The following FTO variants were observed in gnomAD, a reference collection of about 807,000 sequenced individuals.
The protein encoded by FTO is FTO alpha-ketoglutarate dependent dioxygenase.
In FTO, 47 loss-of-function variants were observed where a neutral mutation model predicts 63.9. That is an observed-to-expected ratio of 0.74 (90% CI 0.58 to 0.94). FTO has a LOEUF of 0.94. Among genes scored for constraint, FTO ranks in the 40% least tolerant of loss-of-function variants. The pLI is 0.00. For synonymous variants in FTO, 207 were observed against 224.4 expected (o/e 0.92, Z 0.69); for missense variants, 562 against 618.1 (o/e 0.91, Z 0.96).
intron 8 of FTO, among the ~76,000 whole-genome samples, chr16:54,033,105 A>G (rs918675455): frequency 1.3e-5 from 2 of 152,200 alleles, no homozygotes; most frequent in South Asian, 2.1e-4. Context: ...GTATTCCTTT[A>G]TAGCAATGCA....
At chr16:53,744,398 T>G (rs138707353) in intron 1 of FTO, among the ~76,000 whole-genome samples, 4 of 152,218 alleles carry the variant, frequency 2.6e-5, no homozygotes, top group African/African-American at 9.6e-5. Context: ...TCATGCTAGG[T>G]TTTCTTTAGT....
At chr16:53,786,618 G>A (rs1041103218) in intron 1 of FTO, among the ~76,000 whole-genome samples, 1 of 152,176 alleles carries the variant, frequency 6.6e-6, no homozygotes, top group African/African-American at 2.4e-5. Context: ...TGAATTTTGT[G>A]ATGCACTTGG....
chr16:53,827,201 T>C (rs1209904213), intron 3 of FTO, among the ~76,000 whole-genome samples: 1 of 152,190 alleles, frequency 6.6e-6, no homozygotes, highest in Non-Finnish European at 1.5e-5. Flanking sequence ...GATCGTAGGC[T>C]ACCTCTTAGT....
intron 8 of FTO, among the ~76,000 whole-genome samples, chr16:53,980,864 AT>A (rs1455160939): frequency 6.6e-6 from 1 of 152,224 alleles, no homozygotes; most frequent in Non-Finnish European, 1.5e-5. Context: ...CTGAGACAGG[AT>A]TAGATGCAAA....
At chr16:53,790,406 C>T (rs377584111) in intron 1 of FTO, among the ~76,000 whole-genome samples, 6 of 151,456 alleles carry the variant, frequency 4.0e-5, no homozygotes, top group South Asian at 2.1e-4. Flanking sequence ...TGGCTAGTGA[C>T]GACATTAAGA....
intron 4 of FTO, among the ~76,000 whole-genome samples, chr16:53,870,246 A>AT (rs2080456857): frequency 6.6e-6 from 1 of 151,930 alleles, no homozygotes; most frequent in African/African-American, 2.4e-5. Flanking sequence ...TAAAGTCGCT[A>AT]TTTTTTCCCT....
chr16:54,030,336 A>G (rs1266101982), intron 8 of FTO, among the ~76,000 whole-genome samples: 2 of 152,244 alleles, frequency 1.3e-5, no homozygotes, highest in African/African-American at 2.4e-5. Flanking sequence ...ATTATGAGAA[A>G]GAAACTACTT....
Position 54,113,859 on chromosome 16 carries a change from G to T in FTO, c.*1944G>T, listed in dbSNP as rs886052119. The T allele has an allele frequency of 3.4e-5, 5 of 148,654 alleles. No homozygotes were observed. Among genetic ancestry groups the T allele is most frequent in the Non-Finnish European group, 7.4e-5 (5 of 67,620 alleles). The allele number at this position is 148,654 out of a possible 1,614,324, so 9.2% of individuals were successfully genotyped here. A position where few individuals can be genotyped will look rare whatever the true frequency, so the allele number is the denominator to read the frequency against. On this transcript the variant is annotated 3_prime_UTR_variant, in exon 9 of 9. Transcript: ENST00000471389. ...AGTCTCACTCTGTCACCAGGCTAGA[G>T]TGCAGTGGCACGATCTCAGCTCACT...
chr16:53,787,367 C>T (rs1408428356), intron 1 of FTO, among the ~76,000 whole-genome samples: 1 of 151,100 alleles, frequency 6.6e-6, no homozygotes, highest in African/African-American at 2.4e-5. Context: ...GGCCAACTTA[C>T]TTTGATTTCG....
At chr16:53,718,639 A>T (rs1267496830) in intron 1 of FTO, among the ~76,000 whole-genome samples, 2 of 151,992 alleles carry the variant, frequency 1.3e-5, no homozygotes, top group Admixed American at 1.3e-4. Context: ...GTTGGCAGTT[A>T]TCTTTGATTC....
intron 1 of FTO, among the ~76,000 whole-genome samples, chr16:53,771,941 G>A (rs1022034211): frequency 6.6e-6 from 1 of 152,188 alleles, no homozygotes; most frequent in South Asian, 2.1e-4. Context: ...TGATTGCCAG[G>A]AGCTGGGGAG....
At chr16:53,912,745 T>A (rs2081744730) in intron 7 of FTO, among the ~76,000 whole-genome samples, 2 of 152,196 alleles carry the variant, frequency 1.3e-5, no homozygotes, top group African/African-American at 4.8e-5. Context: ...CAGGCACATT[T>A]GTTCTGCGAT....
intron 8 of FTO, among the ~76,000 whole-genome samples, chr16:54,004,178 G>A (rs942882418): frequency 6.6e-6 from 1 of 152,132 alleles, no homozygotes; most frequent in African/African-American, 2.4e-5. Flanking sequence ...CTTAGAAAAT[G>A]CTTGATGATT....
intron 3 of FTO, among the ~76,000 whole-genome samples, chr16:53,841,936 C>G (rs1317225914): frequency 6.6e-6 from 1 of 152,198 alleles, no homozygotes; most frequent in Non-Finnish European, 1.5e-5. Flanking sequence ...AACCTCTCTC[C>G]TCTCTAAACT....
chr16:53,861,166 A>G (rs1332550745), intron 4 of FTO, among the ~76,000 whole-genome samples: 2 of 152,170 alleles, frequency 1.3e-5, no homozygotes, highest in African/African-American at 2.4e-5. Context: ...TCCATAGGAA[A>G]AATTGCTAGA....
At chr16:53,946,166 C>CA (rs5816911) in intron 8 of FTO, among the ~76,000 whole-genome samples, 4 of 149,872 alleles carry the variant, frequency 2.7e-5, no homozygotes, top group Non-Finnish European at 5.9e-5. Context: ...TGTCCCAGGA[C>CA]AAAAAAAACA....
chr16:53,911,438 A>G (rs900491733), intron 7 of FTO: 2 of 703,028 alleles, frequency 2.8e-6, no homozygotes, highest in African/African-American at 3.5e-5. Flanking sequence ...GAAGTTAAGA[A>G]GTGGCCATAC....
At chr16:53,966,951 G>T (rs1371038617) in intron 8 of FTO, among the ~76,000 whole-genome samples, 1 of 152,146 alleles carries the variant, frequency 6.6e-6, no homozygotes, top group Non-Finnish European at 1.5e-5. Flanking sequence ...GATCCGTGTG[G>T]AGTGGGTGAG....
intron 4 of FTO, among the ~76,000 whole-genome samples, chr16:53,862,158 G>A (rs1403986214): frequency 6.6e-6 from 1 of 152,150 alleles, no homozygotes; most frequent in African/African-American, 2.4e-5. Flanking sequence ...TGAGGCAGGA[G>A]AATCACTTGA....
Sources: gnomAD v4.1 joint callset for allele counts (sites outside exome capture counted in the v4.1 genomes callset) on GRCh38, gnomAD v4.1.1 for gene constraint, MANE v1.5 for transcripts, NCBI Gene and HGNC (gene_info 2026-07-23, HGNC 2026-07-21) for gene names.